UGT1A6: variants seen among roughly 807,000 people sequenced by gnomAD.
UGT1A6 encodes UDP-glucuronosyltransferase 1A6.
In UGT1A6, 32 loss-of-function variants were observed where a neutral mutation model predicts 44.4. The ratio of observed to expected loss-of-function variants is 0.72; its 90% confidence interval spans 0.54 to 0.97. The LOEUF (loss-of-function observed/expected upper bound fraction) is 0.97. UGT1A6 is among the 50% of genes least tolerant of loss of function. UGT1A6 has a pLI of 0.00. For synonymous variants in UGT1A6, 238 were observed against 248.5 expected, an observed-to-expected ratio of 0.96 and a Z score of 0.40; for missense variants, 685 against 661.9, an observed-to-expected ratio of 1.03 and a Z score of -0.38.
Position 233,713,465 on chromosome 2 carries a change from G to A in UGT1A6, c.861+19600G>A, listed in dbSNP as rs147117995. On this transcript the variant is annotated intron_variant, in intron 1 of 4. Coordinates refer to ENST00000305139, the MANE Select transcript of UGT1A6 (RefSeq NM_001072.4). ...TAACAGACCCCTTTCACCTCTGCGC[G>A]GCGGTGCTGGCTAAGTACCTGTCGA... is the stretch of plus-strand genomic sequence containing the variant. 2.5e-4 allele frequency: 400 copies of A among 1,613,916 alleles called. 3 individuals carry two copies. The East Asian group carries it at 5.4e-3, about 22-fold the overall frequency.
chr2:233,708,944 C>T (rs937227879), intron 1 of UGT1A6, among the ~76,000 whole-genome samples: 1 of 152,118 alleles, frequency 6.6e-6, no homozygotes, highest in East Asian at 1.9e-4. Context: ...GTCACCAGAA[C>T]CCATTTATAT....
At chr2:233,747,112 G>A (rs896483290) in intron 1 of UGT1A6, 4 of 1,422,320 alleles carry the variant, frequency 2.8e-6, no homozygotes, top group African/African-American at 2.9e-5. Flanking sequence ...ATTACATGAT[G>A]ATTTGCTAAG....
intron 1 of UGT1A6, among the ~76,000 whole-genome samples, chr2:233,723,516 C>CT (rs1162916866): frequency 0.039 from 3,331 of 85,338 alleles, 215 homozygotes; most frequent in African/African-American, 0.13. Flanking sequence ...GGTCAACAAT[C>CT]TTTTTTTTTT....
chr2:233,753,809 G>A (rs1297655785), intron 1 of UGT1A6, among the ~76,000 whole-genome samples: 1 of 152,202 alleles, frequency 6.6e-6, no homozygotes, highest in Non-Finnish European at 1.5e-5. Context: ...CATAGTTGGA[G>A]AACCACGTTA....
intron 4 of UGT1A6, chr2:233,770,929 T>C (rs1212453952): frequency 6.6e-6 from 1 of 152,194 alleles, no homozygotes; most frequent in African/African-American, 2.4e-5. Context: ...CTGACATCAC[T>C]TGGCTGCCGG....
At chr2:233,729,087 G>A (rs1254975365) in intron 1 of UGT1A6, 3 of 1,612,408 alleles carry the variant, frequency 1.9e-6, no homozygotes, top group African/African-American at 1.3e-5. Context: ...AGCAGGCACA[G>A]CGTGGGGTGG....
intron 1 of UGT1A6, chr2:233,747,437 C>G: frequency 1.9e-6 from 3 of 1,608,846 alleles, no homozygotes; most frequent in Non-Finnish European, 2.6e-6. Context: ...AGAAATTTTT[C>G]ACCCTGACAA....
chr2:233,721,642 T>A (rs1280370811), intron 1 of UGT1A6: 1 of 207,198 alleles, frequency 4.8e-6, no homozygotes. Context: ...ATCTTGAATG[T>A]GGCAGTGGGG....
intron 1 of UGT1A6, chr2:233,730,102 T>C (rs972272241): frequency 1.9e-6 from 3 of 1,578,724 alleles, no homozygotes; most frequent in East Asian, 2.3e-5. Context: ...AAATATTTCA[T>C]TTCTGCTTCT....
At chr2:233,747,626 C>T (rs546895525) in intron 1 of UGT1A6, 3 of 1,577,388 alleles carry the variant, frequency 1.9e-6, no homozygotes, top group Admixed American at 1.7e-5. Flanking sequence ...AGGCCCTGAT[C>T]AGGCACCTGA....
chr2:233,712,866 G>A (rs1236935374), intron 1 of UGT1A6: 3 of 1,573,916 alleles, frequency 1.9e-6, no homozygotes, highest in African/African-American at 1.4e-5. Flanking sequence ...CTGGAGGAGG[G>A]CACTCTGTCT....
rs574223666 is a variant in UGT1A6, at chr2:233,734,984, T to C, written c.862-32050T>C. ...GTGATGTGGTGCTGAGAAGAATGTA[T>C]ATTCTCTTGACTTAGGGTGGAGAGT... On this transcript the variant is annotated intron_variant, in intron 1 of 4. Transcript: ENST00000305139. Among the ~76,000 whole-genome samples, 9 of 152,370 alleles carry C rather than the reference T, an allele frequency of 5.9e-5. No homozygotes were observed. In the East Asian group the frequency reaches 1.5e-3, roughly 26 times the overall value.
intron 1 of UGT1A6, among the ~76,000 whole-genome samples, chr2:233,748,288 C>A (rs1342062213): frequency 1.3e-5 from 2 of 151,844 alleles, no homozygotes; most frequent in South Asian, 2.1e-4. Flanking sequence ...AAGAGGCAGA[C>A]ATGAATGTTT....
intron 1 of UGT1A6, chr2:233,754,389 C>A: frequency 3.3e-6 from 1 of 302,106 alleles, no homozygotes; most frequent in Non-Finnish European, 6.5e-6. Context: ...AAACAGAGGT[C>A]CTATCCGTGC....
At chr2:233,704,861 C>T (rs1011021792) in intron 1 of UGT1A6, among the ~76,000 whole-genome samples, 8 of 152,100 alleles carry the variant, frequency 5.3e-5, no homozygotes, top group East Asian at 1.9e-4. Flanking sequence ...GGGCCGGGCA[C>T]GGTGGCTCAC....
chr2:233,770,662 A>G (rs1700129154), intron 4 of UGT1A6: 1 of 140,356 alleles, frequency 7.1e-6, no homozygotes, highest in Non-Finnish European at 1.6e-5. Context: ...CGTCTTACTT[A>G]AAAAAAAAAA....
chr2:233,718,680 G>A (rs2076674900), intron 1 of UGT1A6: 2 of 1,570,166 alleles, frequency 1.3e-6, no homozygotes, highest in Non-Finnish European at 1.7e-6. Flanking sequence ...TGGGTAATAA[G>A]TAACTGGAGG....
chr2:233,731,475 C>A lies in UGT1A6; in HGVS notation c.862-35559C>A, dbSNP rs368820066. ...AACAGGCCCTGGCGTGTGATGTTCC[C>A]TGGCCTGTGTCCAGTGTTCTTGCTG... On this transcript the variant is annotated intron_variant, in intron 1 of 4. Coordinates refer to ENST00000305139, the MANE Select transcript of UGT1A6 (RefSeq NM_001072.4). Among the ~76,000 whole-genome samples the A allele has an allele frequency of 3.1e-4, 47 of 152,264 alleles. No homozygotes were observed. The South Asian group carries it at 9.3e-3, about 30-fold the overall frequency.
intron 1 of UGT1A6, among the ~76,000 whole-genome samples, chr2:233,697,022 T>C (rs964900890): frequency 1.3e-5 from 2 of 152,140 alleles, no homozygotes; most frequent in Non-Finnish European, 2.9e-5. Flanking sequence ...GTCAGAGATA[T>C]GGGCCCGCAG....
Sources: gnomAD v4.1 joint callset for allele counts (sites outside exome capture counted in the v4.1 genomes callset) on GRCh38, gnomAD v4.1.1 for gene constraint, MANE v1.5 for transcripts, NCBI Gene and HGNC (gene_info 2026-07-23, HGNC 2026-07-21) for gene names.